Variants in FAF1 observed in about 807,000 individuals in gnomAD.
FAF1 encodes FAS-associated factor 1.
In FAF1, 25 loss-of-function variants were observed where a neutral mutation model predicts 92.5. That is an observed-to-expected ratio of 0.27 (90% CI 0.20 to 0.38). The LOEUF (loss-of-function observed/expected upper bound fraction) is 0.38. Among genes scored for constraint, FAF1 ranks in the 10% least tolerant of loss-of-function variants. The pLI, the probability that FAF1 is intolerant of heterozygous loss-of-function variation, is 1.00. For synonymous variants in FAF1, 234 were observed against 273.2 expected, an observed-to-expected ratio of 0.86 and a Z score of 1.42; for missense variants, 636 against 793.3, an observed-to-expected ratio of 0.80 and a Z score of 2.38.
At chr1:50,910,723 C>T (rs914681751) in intron 1 of FAF1, among the ~76,000 whole-genome samples, 3 of 151,822 alleles carry the variant, frequency 2.0e-5, no homozygotes, top group Non-Finnish European at 4.4e-5. Context: ...TCGCTAAGAC[C>T]ATTGGAAAAG....
rs1013405301 is a variant in FAF1, at chr1:50,526,797, A to C, written c.1494+8572T>G. On this transcript the variant is annotated intron_variant, in intron 15 of 18. Coordinates refer to ENST00000396153, the MANE Select transcript of FAF1 (RefSeq NM_007051.3). The stretch of plus-strand genomic sequence containing the variant: ...TGTTGCACCATTTTACATTCCCACT[A>C]GCAGCCAATGAGGGTTCAGATGTCT... 3.9e-5 allele frequency among the ~76,000 whole-genome samples: 6 copies of C among 151,970 alleles called. 1 individual carries two copies. The highest frequency in any genetic ancestry group is 1.3e-4 in the Admixed American group (2 of 15,260).
At chr1:50,897,488 A>G (rs1384088495) in intron 1 of FAF1, among the ~76,000 whole-genome samples, 2 of 152,260 alleles carry the variant, frequency 1.3e-5, no homozygotes, top group Non-Finnish European at 2.9e-5. Flanking sequence ...ATTATAAAAT[A>G]TATGGCTATT....
intron 8 of FAF1, among the ~76,000 whole-genome samples, chr1:50,636,036 CAAGAGA>C (rs1418143418): frequency 6.6e-6 from 1 of 151,998 alleles, no homozygotes; most frequent in East Asian, 1.9e-4. Flanking sequence ...TGGCATGGTA[CAAGAGA>C]AAGCAAAAGG....
At chr1:50,869,114 C>T (rs1383651440) in intron 1 of FAF1, among the ~76,000 whole-genome samples, 2 of 152,142 alleles carry the variant, frequency 1.3e-5, no homozygotes, top group Non-Finnish European at 1.5e-5. Flanking sequence ...TTGATTCTCC[C>T]GCGATTATGT....
chr1:50,641,629 G>GCACAAA (rs1654333259), intron 8 of FAF1, among the ~76,000 whole-genome samples: 2 of 152,112 alleles, frequency 1.3e-5, no homozygotes, highest in South Asian at 4.2e-4. Flanking sequence ...AATGCATCAT[G>GCACAAA]CACACTTGAA....
intron 1 of FAF1, among the ~76,000 whole-genome samples, chr1:50,901,558 G>GA (rs200883496): frequency 0.014 from 2,023 of 146,884 alleles, 44 homozygotes; most frequent in African/African-American, 0.046. Flanking sequence ...AATTTAAAAA[G>GA]AAAAAAAAAA....
chr1:50,888,340 C>T (rs987145846), intron 1 of FAF1, among the ~76,000 whole-genome samples: 1 of 152,126 alleles, frequency 6.6e-6, no homozygotes, highest in Admixed American at 6.6e-5. Flanking sequence ...AATTTTATTC[C>T]TCTTTTCTTA....
intron 15 of FAF1, among the ~76,000 whole-genome samples, chr1:50,534,479 C>T (rs1222102180): frequency 6.6e-6 from 1 of 152,042 alleles, no homozygotes; most frequent in African/African-American, 2.4e-5. Context: ...GATGGGGTTT[C>T]ACCATGTTGG....
intron 17 of FAF1, among the ~76,000 whole-genome samples, chr1:50,480,755 T>C (rs1340102870): frequency 1.3e-5 from 2 of 152,222 alleles, no homozygotes; most frequent in East Asian, 1.9e-4. Flanking sequence ...TGCACTATAC[T>C]TTTATTTGTT....
intron 7 of FAF1, among the ~76,000 whole-genome samples, chr1:50,683,774 A>G (rs1248877733): frequency 6.6e-6 from 1 of 151,508 alleles, no homozygotes; most frequent in Non-Finnish European, 1.5e-5. Context: ...CTCTACTAAA[A>G]ATACAAAATT....
At chr1:50,497,715 A>G (rs1422581288) in intron 15 of FAF1, among the ~76,000 whole-genome samples, 1 of 151,560 alleles carries the variant, frequency 6.6e-6, no homozygotes, top group Non-Finnish European at 1.5e-5. Flanking sequence ...TGCCCGGCTA[A>G]TATTTTGTAT....
chr1:50,687,359 A>C (rs1656712044), intron 7 of FAF1, among the ~76,000 whole-genome samples: 1 of 151,712 alleles, frequency 6.6e-6, no homozygotes, highest in Admixed American at 6.6e-5. Flanking sequence ...ATCAATCAAA[A>C]AAAAAAAAAA....
At chr1:50,554,188 T>A (rs1649442512) in intron 13 of FAF1, among the ~76,000 whole-genome samples, 2 of 150,742 alleles carry the variant, frequency 1.3e-5, no homozygotes, top group Middle Eastern at 6.8e-3. Flanking sequence ...CATGGCAAGA[T>A]CATGGGAAAA....
intron 1 of FAF1, among the ~76,000 whole-genome samples, chr1:50,894,585 A>G (rs1412468432): frequency 6.6e-6 from 1 of 152,098 alleles, no homozygotes; most frequent in Non-Finnish European, 1.5e-5. Context: ...TTAGCACATA[A>G]ATCATTCTGA....
intron 2 of FAF1, among the ~76,000 whole-genome samples, chr1:50,856,557 T>A (rs1644391726): frequency 6.6e-6 from 1 of 151,794 alleles, no homozygotes; most frequent in Non-Finnish European, 1.5e-5. Context: ...ATTGGTTTAA[T>A]GAAATGGAAA....
intron 4 of FAF1, among the ~76,000 whole-genome samples, chr1:50,767,355 A>G (rs1469599889): frequency 6.6e-6 from 1 of 152,208 alleles, no homozygotes; most frequent in East Asian, 1.9e-4. Context: ...TCCCTGAAAA[A>G]GAGGGAGAGA....
chr1:50,945,181 A>G lies in FAF1; in HGVS notation c.45+14586T>C, dbSNP rs375926769. ...GAGTGGCTTGTACGATAAAAGGTGC[A>G]CTACTGTTAGACTGCAAACAGTCCA... On this transcript the variant is annotated intron_variant, in intron 1 of 18. Coordinates refer to ENST00000396153, the MANE Select transcript of FAF1 (RefSeq NM_007051.3). 4.6e-5 allele frequency among the ~76,000 whole-genome samples: 7 copies of G among 152,346 alleles called. No individual in the cohort carries two copies. In the East Asian group the frequency reaches 1.2e-3, roughly 25 times the overall value.
intron 1 of FAF1, among the ~76,000 whole-genome samples, chr1:50,917,675 AAAGG>A (rs1385424701): frequency 2.7e-5 from 4 of 150,494 alleles, no homozygotes; most frequent in African/African-American, 9.8e-5. Flanking sequence ...AAAGGAAAGG[AAAGG>A]AAAGGAAAGG....
At chr1:50,507,876 AT>A (rs1157959247) in intron 15 of FAF1, among the ~76,000 whole-genome samples, 1 of 152,250 alleles carries the variant, frequency 6.6e-6, no homozygotes, top group Middle Eastern at 3.2e-3. Flanking sequence ...GTCATAGGAC[AT>A]TCTGATAATC....
Sources: allele counts gnomAD v4.1 joint callset (sites outside exome capture counted in the v4.1 genomes callset), GRCh38; gene constraint gnomAD v4.1.1; transcripts MANE v1.5; gene names NCBI Gene and HGNC (gene_info 2026-07-23, HGNC 2026-07-21).